Variants in PIK3C2G observed in about 807,000 individuals in gnomAD.
PIK3C2G encodes the protein phosphatidylinositol 3-kinase C2 domain-containing subunit gamma.
A neutral mutation model predicts 181.1 loss-of-function variants in PIK3C2G; 168 were observed. That is an observed-to-expected ratio of 0.93 (90% CI 0.82 to 1.05). The LOEUF is 1.05. Ranked by LOEUF, PIK3C2G falls within the 50% of genes least tolerant of loss-of-function variation. The probability of loss-of-function intolerance (pLI) is 0.00; values close to 1 mark genes in which losing one functional copy is unlikely to be tolerated. For missense variants in PIK3C2G, 1,869 were observed against 1,732.8 expected (o/e 1.08, Z -1.40); for synonymous variants, 573 against 592.2 (o/e 0.97, Z 0.47).
intron 31 of PIK3C2G, among the ~76,000 whole-genome samples, chr12:18,622,341 G>A (rs929029573): frequency 3.3e-5 from 5 of 151,842 alleles, no homozygotes; most frequent in African/African-American, 1.2e-4. Context: ...ATTTTACTTA[G>A]CGTAATATTC....
the PIK3C2G span, among the ~76,000 whole-genome samples, chr12:18,722,510 T>C: frequency 6.6e-6 from 1 of 152,092 alleles, no homozygotes; most frequent in Non-Finnish European, 1.5e-5. Flanking sequence ...AGAACTTTCA[T>C]ACGCCCCTCC....
chr12:18,305,947 C>A (rs374787441), intron 5 of PIK3C2G, among the ~76,000 whole-genome samples: 349 of 149,880 alleles, frequency 2.3e-3, no homozygotes, highest in Non-Finnish European at 3.8e-3. Context: ...TTTTTTTTTA[C>A]CGACTTTCTT....
chr12:18,703,633 G>A, the PIK3C2G span, among the ~76,000 whole-genome samples: 63 of 152,258 alleles, frequency 4.1e-4, no homozygotes, highest in Admixed American at 3.9e-4. Flanking sequence ...GTAATCAACC[G>A]TAGCCAATCA....
At chr12:18,307,342 A>G (rs1333499600) in intron 5 of PIK3C2G, among the ~76,000 whole-genome samples, 1 of 151,752 alleles carries the variant, frequency 6.6e-6, no homozygotes. Flanking sequence ...AATAATTAAT[A>G]TACAGAAAGT....
chr12:18,249,552 G>A (rs1335907403), intron 1 of PIK3C2G, among the ~76,000 whole-genome samples: 1 of 151,992 alleles, frequency 6.6e-6, no homozygotes, highest in Non-Finnish European at 1.5e-5. Flanking sequence ...GCAAAGTATC[G>A]TATAAACAGC....
intron 1 of PIK3C2G, among the ~76,000 whole-genome samples, chr12:18,271,253 T>C (rs766153738): frequency 6.6e-6 from 1 of 152,098 alleles, no homozygotes; most frequent in African/African-American, 2.4e-5. Context: ...TCTGACCTTG[T>C]TCCTCCGCAT....
intron 7 of PIK3C2G, 54 bp from the exon 8 acceptor site, chr12:18,324,981 A>G: frequency 1.2e-6 from 1 of 821,574 alleles, no homozygotes; most frequent in Non-Finnish European, 2.0e-6. Context: ...TGCTAAAGGT[A>G]ATATAAGTTT....
At chr12:18,646,626 T>C (rs522034) in intron 32 of PIK3C2G, among the ~76,000 whole-genome samples, 118,899 of 152,062 alleles carry the variant, frequency 0.78, 46,859 homozygotes, top group East Asian at 0.94. Flanking sequence ...AAGTTGTCTC[T>C]TCTGCTTCTT....
At chr12:18,429,270 C>A (rs1365492399) in intron 18 of PIK3C2G, among the ~76,000 whole-genome samples, 1 of 152,148 alleles carries the variant, frequency 6.6e-6, no homozygotes, top group Non-Finnish European at 1.5e-5. Context: ...AAGGAAGGTT[C>A]TCCCCGGAGC....
the PIK3C2G span, chr12:18,719,702 C>A: frequency 9.5e-7 from 1 of 1,056,660 alleles, no homozygotes; most frequent in South Asian, 1.6e-5. Flanking sequence ...AACTACATCT[C>A]ACTTGTAAAC....
chr12:18,601,104 A>T (rs1947684090), intron 30 of PIK3C2G, among the ~76,000 whole-genome samples: 1 of 152,008 alleles, frequency 6.6e-6, no homozygotes, highest in African/African-American at 2.4e-5. Flanking sequence ...CTAAAGGAAT[A>T]TAATTCACCA....
chr12:18,517,371 A>T (rs1942620669), intron 24 of PIK3C2G, among the ~76,000 whole-genome samples: 1 of 152,132 alleles, frequency 6.6e-6, no homozygotes, highest in South Asian at 2.1e-4. Flanking sequence ...TGAGGATGGG[A>T]TGTTTTTCCA....
At chr12:18,466,446 TTAAAG>T (rs1937892085) in intron 18 of PIK3C2G, among the ~76,000 whole-genome samples, 1 of 149,872 alleles carries the variant, frequency 6.7e-6, no homozygotes, top group Non-Finnish European at 1.5e-5. Flanking sequence ...AGACTTTGTA[TTAAAG>T]TATTGATTTT....
At chr12:18,447,908 T>C (rs1947118875) in intron 18 of PIK3C2G, among the ~76,000 whole-genome samples, 1 of 152,166 alleles carries the variant, frequency 6.6e-6, no homozygotes, top group Admixed American at 6.5e-5. Context: ...AGTATTATCA[T>C]TGAGAATACA....
At chr12:18,580,575 G>C (rs550527812) in intron 29 of PIK3C2G, among the ~76,000 whole-genome samples, 3 of 152,164 alleles carry the variant, frequency 2.0e-5, no homozygotes, top group Non-Finnish European at 4.4e-5. Context: ...TGTACCATCA[G>C]TAAAGCCAAG....
intron 17 of PIK3C2G, among the ~76,000 whole-genome samples, chr12:18,423,490 G>C (rs930759404): frequency 6.6e-6 from 1 of 152,148 alleles, no homozygotes; most frequent in East Asian, 1.9e-4. Context: ...GGTAGTAACA[G>C]TCAGTTTTGA....
intron 14 of PIK3C2G, among the ~76,000 whole-genome samples, chr12:18,383,830 G>C (rs992479107): frequency 1.3e-5 from 2 of 151,512 alleles, no homozygotes; most frequent in Admixed American, 1.3e-4. Flanking sequence ...TTGAGACAGA[G>C]GCTCACTCTG....
At chr12:18,316,299 A>G (rs976661606) in intron 6 of PIK3C2G, among the ~76,000 whole-genome samples, 3 of 152,174 alleles carry the variant, frequency 2.0e-5, no homozygotes, top group Non-Finnish European at 4.4e-5. Flanking sequence ...ATTAAACTTA[A>G]GATTCTTCAA....
At chr12:18,408,967 A>T (rs1408150007) in intron 16 of PIK3C2G, among the ~76,000 whole-genome samples, 1 of 152,202 alleles carries the variant, frequency 6.6e-6, no homozygotes, top group East Asian at 1.9e-4. Flanking sequence ...AAATTAGTTC[A>T]ACCTTTGTGG....
Sources: gnomAD v4.1 joint callset for allele counts (sites outside exome capture counted in the v4.1 genomes callset) on GRCh38, gnomAD v4.1.1 for gene constraint, MANE v1.5 for transcripts, NCBI Gene and HGNC (gene_info 2026-07-23, HGNC 2026-07-21) for gene names.